Variants in PXK observed in about 807,000 individuals in gnomAD.
PXK encodes PX domain containing serine/threonine kinase like, also known as PX domain-containing protein kinase-like protein.
A neutral mutation model predicts 84.7 loss-of-function variants in PXK; 35 were observed. The ratio of observed to expected loss-of-function variants is 0.41; its 90% confidence interval spans 0.32 to 0.55. PXK has a LOEUF of 0.55. PXK is among the 20% of genes least tolerant of loss of function. The pLI is 0.21. For synonymous variants in PXK, 253 were observed against 260.8 expected, an observed-to-expected ratio of 0.97 and a Z score of 0.29; for missense variants, 634 against 699.7, an observed-to-expected ratio of 0.91 and a Z score of 1.06.
chr3:58,361,318 AATG>A lies in PXK; in HGVS notation c.103-4555_103-4553del, dbSNP rs1316657054. On this transcript the variant is annotated intron_variant, in intron 1 of 17. Transcript: ENST00000356151. ...CTCAAAAAAAAAAAAAAAAAAAAAA[AATG>A]CAGAGAGATCCCATATACCCTTTAC... is the stretch of plus-strand genomic sequence containing the variant. Among the ~76,000 whole-genome samples the A allele has an allele frequency of 2.1e-3, 305 of 146,518 alleles. 1 individual carries two copies. The highest frequency in any genetic ancestry group is 7.2e-3 in the African/African-American group (296 of 40,886).
intron 6 of PXK, among the ~76,000 whole-genome samples, 183 bp downstream of exon 6, chr3:58,391,403 A>G (rs2098630005): frequency 6.6e-6 from 1 of 152,162 alleles, no homozygotes; most frequent in Admixed American, 6.5e-5. Flanking sequence ...TATAAATGCA[A>G]TTATATTTGG....
chr3:58,408,859 T>C, intron 13 of PXK, 65 bp from the exon 14 acceptor site: 1 of 1,253,486 alleles, frequency 8.0e-7, no homozygotes, highest in Admixed American at 1.7e-5. Flanking sequence ...CTTCATTTAC[T>C]CCAGGACTTG....
rs560734176 is a variant in PXK, at chr3:58,397,777, C to T, written c.1102+55C>T. The T allele has an allele frequency of 1.8e-4, 246 of 1,380,834 alleles. No homozygotes were observed. The African/African-American group carries it at 3.3e-3, about 19-fold the overall frequency. The allele number at this position is 1,380,834 out of a possible 1,614,324, so 85.5% of individuals were successfully genotyped here. On this transcript the variant is annotated intron_variant, in intron 11 of 17. Transcript: ENST00000356151. The surrounding 1 kb of genome is among the most constrained non-coding windows in gnomAD (Gnocchi z 4.7). The stretch of plus-strand genomic sequence containing the variant: ...GGCCCTAGTAGTGTGCAGAGCCACT[C>T]ATCCCCTTTCCAGAGTCCAGGAAAG...
chr3:58,420,071 A>T (rs1191449087), intron 17 of PXK, among the ~76,000 whole-genome samples: 3 of 152,230 alleles, frequency 2.0e-5, no homozygotes, highest in Non-Finnish European at 2.9e-5. Flanking sequence ...TGTAGACTCT[A>T]GAAGACTTGC....
intron 1 of PXK, among the ~76,000 whole-genome samples, chr3:58,347,178 G>T (rs2097840841): frequency 6.6e-6 from 1 of 152,022 alleles, no homozygotes; most frequent in South Asian, 2.1e-4. Context: ...TCACTATGTT[G>T]TCCCGGCTGG....
At chr3:58,338,867 G>A (rs2097674189) in intron 1 of PXK, among the ~76,000 whole-genome samples, 1 of 151,820 alleles carries the variant, frequency 6.6e-6, no homozygotes, top group East Asian at 2.0e-4. Flanking sequence ...ATTTTTAGTA[G>A]AGACAGGGTT....
chr3:58,334,668 T>C (rs912109186), intron 1 of PXK, among the ~76,000 whole-genome samples: 1 of 152,188 alleles, frequency 6.6e-6, no homozygotes, highest in African/African-American at 2.4e-5. Flanking sequence ...TAGTTTGTCC[T>C]GTAATTACTT....
rs2061813535 is a variant in PXK, at chr3:58,421,348, G to C, written c.1529-3404G>C. On this transcript the variant is annotated intron_variant, in intron 17 of 17. Coordinates refer to ENST00000356151, the MANE Select transcript of PXK (RefSeq NM_017771.5). This position sits in a 1 kb window ranked among gnomAD's most constrained non-coding sequence, Gnocchi z 5.5. ...TATAATCTCAGCACTTTGGGAGGCT[G>C]AGGCGGGCGGATCACAAGGATCAGG... The C allele has an allele frequency of 1.0e-6, 1 of 971,978 alleles. No homozygotes were observed. The highest frequency in any genetic ancestry group is 1.2e-6 in the Non-Finnish European group (1 of 820,186). 60.2% of individuals were successfully genotyped at this position (971,978 alleles called of 1,614,324 possible). A position where few individuals can be genotyped will look rare whatever the true frequency, so the allele number is the denominator to read the frequency against.
In PXK at chr3:58,421,951, G is replaced by GTAT. The variant is rs758014515; in HGVS notation, c.1529-2799_1529-2797dup. 1.3e-4 allele frequency: 128 copies of GTAT among 985,276 alleles called. No individual in the cohort carries two copies. Among genetic ancestry groups the GTAT allele is most frequent in the Non-Finnish European group, 1.5e-4 (123 of 829,930 alleles). 61.0% of individuals were successfully genotyped at this position (985,276 alleles called of 1,614,324 possible). On this transcript the variant is annotated intron_variant, in intron 17 of 17. Transcript: ENST00000356151. This position sits in a 1 kb window ranked among gnomAD's most constrained non-coding sequence, Gnocchi z 5.5. ...TCTCATATGTGGCCTGGAGATAAGG[G>GTAT]TATTGGAGGTCTCTTGGCAGGAAGG...
At chr3:58,418,206 GTAA>G (rs2061291754) in intron 17 of PXK, among the ~76,000 whole-genome samples, 1 of 152,188 alleles carries the variant, frequency 6.6e-6, no homozygotes, top group Non-Finnish European at 1.5e-5. Context: ...ATAATTATAT[GTAA>G]TATATTTGAA....
chr3:58,416,277 G>A lies in PXK; in HGVS notation c.1528+3314G>A, dbSNP rs1487850943. Among the ~76,000 whole-genome samples the A allele has an allele frequency of 6.6e-6, 1 of 152,102 alleles. No homozygotes were observed. The highest frequency in any genetic ancestry group is 1.5e-5 in the Non-Finnish European group (1 of 68,024). On this transcript the variant is annotated intron_variant, in intron 17 of 17. Transcript: ENST00000356151. This position sits in a 1 kb window ranked among gnomAD's most constrained non-coding sequence, Gnocchi z 4.8. ...TTCTTAAGCCACTTATTACCTTCTT[G>A]TTTACCAAGTTACTTAATTACTTCT...
chr3:58,423,257 C>A, intron 17 of PXK: 1 of 974,624 alleles, frequency 1.0e-6, no homozygotes, highest in Non-Finnish European at 1.2e-6. Flanking sequence ...ATCTCTGTAA[C>A]CTGGTGACAT....
In PXK at chr3:58,385,953, GGAGGGT is replaced by G. The variant is rs1354480285; in HGVS notation, c.388+3261_388+3266del. Among the ~76,000 whole-genome samples, 1 of 152,170 alleles carries G rather than the reference GGAGGGT, an allele frequency of 6.6e-6. No individual in the cohort carries two copies. Among genetic ancestry groups the G allele is most frequent in the Non-Finnish European group, 1.5e-5 (1 of 68,044 alleles). ...CACTTTTCCTGGTCCTTGCTCTGAT[GGAGGGT>G]GAGGGTGTCTTGTTGGAGGGGGACT... On this transcript the variant is annotated intron_variant, in intron 4 of 17. Coordinates refer to ENST00000356151, the MANE Select transcript of PXK (RefSeq NM_017771.5). The surrounding 1 kb of genome is among the most constrained non-coding windows in gnomAD (Gnocchi z 5.1).
intron 1 of PXK, among the ~76,000 whole-genome samples, chr3:58,345,518 T>C (rs2097798500): frequency 6.6e-6 from 1 of 152,238 alleles, no homozygotes; most frequent in Non-Finnish European, 1.5e-5. Flanking sequence ...CTCACTTGTA[T>C]TTCTCACTAA....
chr3:58,413,632 A>G (rs1481087301), intron 17 of PXK: 1 of 152,180 alleles, frequency 6.6e-6, no homozygotes, highest in Admixed American at 6.5e-5. Flanking sequence ...TTGAACCAAG[A>G]TGTCTCTCCT....
At chr3:58,376,593 T>TACA (rs2098445053) in intron 3 of PXK, among the ~76,000 whole-genome samples, 1 of 152,134 alleles carries the variant, frequency 6.6e-6, no homozygotes, top group South Asian at 2.1e-4. Flanking sequence ...TCAGGGAAGA[T>TACA]ACATCAGTTG....
intron 16 of PXK, among the ~76,000 whole-genome samples, 167 bp downstream of exon 16, chr3:58,410,326 G>A (rs191584012): frequency 2.0e-5 from 3 of 152,302 alleles, no homozygotes; most frequent in Admixed American, 1.3e-4. Flanking sequence ...AACAGTATTC[G>A]TAGGCTTACA....
rs571646918 is a variant in PXK at position 58,386,101 on chromosome 3, A to G, written c.388+3401A>G. Among the ~76,000 whole-genome samples, 4 of 151,848 alleles carry G rather than the reference A, an allele frequency of 2.6e-5. No homozygotes were observed. The East Asian group carries it at 5.8e-4, about 22-fold the overall frequency. ...ACTGCTGAGCCTTTCTTTCTTTTCC[A>G]GGTTTTCTCCAGAAGAGCCAATCCT... On this transcript the variant is annotated intron_variant, in intron 4 of 17. Coordinates refer to ENST00000356151, the MANE Select transcript of PXK (RefSeq NM_017771.5).
rs148477621 is a variant in PXK, at chr3:58,375,272, A to G, written c.201+5794A>G. On this transcript the variant is annotated intron_variant, in intron 3 of 17. Transcript: ENST00000356151. ...CAGGCAAATCTGTCGATACTGGGTA[A>G]TGGTATTTTAAAAATCCTTGCTCCA... 3.9e-5 allele frequency among the ~76,000 whole-genome samples: 6 copies of G among 152,346 alleles called. No homozygotes were observed. In the East Asian group the frequency reaches 1.2e-3, roughly 29 times the overall value.
Sources: allele counts gnomAD v4.1 joint callset (sites outside exome capture counted in the v4.1 genomes callset), GRCh38; gene constraint gnomAD v4.1.1; non-coding constraint Gnocchi (gnomAD v3.1); transcripts MANE v1.5; gene names NCBI Gene and HGNC (gene_info 2026-07-23, HGNC 2026-07-21).